Variants in ASB1 observed in about 807,000 individuals in gnomAD.
ASB1 encodes ankyrin repeat and SOCS box protein 1.
In ASB1, 18 loss-of-function variants were observed where a neutral mutation model predicts 27.7. The ratio of observed to expected loss-of-function variants is 0.65; its 90% CI spans 0.45 to 0.96. ASB1 has a LOEUF of 0.96. ASB1 is among the 50% of genes least tolerant of loss of function. The probability of loss-of-function intolerance (pLI) is 0.00; values close to 1 mark genes in which losing one functional copy is unlikely to be tolerated. For synonymous variants in ASB1, 189 were observed against 187.6 expected (o/e 1.01, Z -0.06); for missense variants, 397 against 451.7 (o/e 0.88, Z 1.10).
intron 1 of ASB1, among the ~76,000 whole-genome samples, chr2:238,431,071 C>A (rs508486): frequency 0.56 from 85,694 of 151,876 alleles, 26,304 homozygotes; most frequent in Non-Finnish European, 0.69. Context: ...CTAGGCATTG[C>A]CTTCTCCTCT....
At chr2:238,440,548 A>G (rs556821857) in intron 3 of ASB1, among the ~76,000 whole-genome samples, 76 of 152,074 alleles carry the variant, frequency 5.0e-4, no homozygotes, top group Non-Finnish European at 8.1e-4. Context: ...CTCTTCCCAT[A>G]CATGGCTCCT....
rs1425051702 is a variant in ASB1 at position 238,451,950 on chromosome 2, C to T, written c.*5439C>T. 6.6e-6 allele frequency: 1 copy of T among 152,202 alleles called. No homozygotes were observed. Among genetic ancestry groups the T allele is most frequent in the Non-Finnish European group, 1.5e-5 (1 of 68,040 alleles). 9.4% of individuals were successfully genotyped at this position (152,202 alleles called of 1,614,324 possible). A position where few individuals can be genotyped will look rare whatever the true frequency, so the allele number is the denominator to read the frequency against. On this transcript the variant is annotated 3_prime_UTR_variant, in exon 5 of 5. Transcript: ENST00000264607. ...GAACTTGGGGCTCCAGGGACGTACC[C>T]CAAATGTTGCCCAGGTTGAAACTCC...
Position 238,444,634 on chromosome 2 carries a change from C to G in ASB1, c.787C>G (p.Leu263Val). The part of the protein sequence containing the change: ...VSLLVEFGAN[L>V]NLVKWESLGP... Reference sequence around the variant, plus strand: ...CCTGCTGGTAGAATTTGGAGCCAACCTGAATCTAGTGAAGTGGGAATCGCT... The same window carrying G: ...CCTGCTGGTAGAATTTGGAGCCAACGTGAATCTAGTGAAGTGGGAATCGCT... The change falls in exon 4 of 5, where the codon CTG becomes GTG. Residue 263 changes from leucine (L) to valine (V), a missense_variant. Transcript: ENST00000264607. 1 of 1,614,150 alleles carries G rather than the reference C, an allele frequency of 6.2e-7. No individual in the cohort carries two copies. Among genetic ancestry groups the G allele is most frequent in the Non-Finnish European group, 8.5e-7 (1 of 1,180,036 alleles).
chr2:238,438,401 C>T (rs1291788489), intron 3 of ASB1, among the ~76,000 whole-genome samples: 2 of 151,946 alleles, frequency 1.3e-5, no homozygotes, highest in African/African-American at 2.4e-5. Context: ...AGGGTTTCAC[C>T]ATGTTAGCCA....
chr2:238,434,270 G>C (rs539075671), intron 2 of ASB1, among the ~76,000 whole-genome samples: 1 of 152,220 alleles, frequency 6.6e-6, no homozygotes, highest in South Asian at 2.1e-4. Flanking sequence ...CCCTTCCTTC[G>C]CAGCAAGTGA....
rs1701962474 is a variant in ASB1 at position 238,435,966 on chromosome 2, C to T, written c.447C>T (p.Tyr149=). ...GGCACCATCGCAGCACCCCTGTCTA[C>T]CACGCCTCTCGCGTGGGCCGGGCAG... is the stretch of plus-strand genomic sequence containing the variant. The part of the protein sequence containing the change: ...GSRHHRSTPV[Y]HASRVGRADI... The change falls in exon 3 of 5, where the codon TAC becomes TAT. Residue 149 remains tyrosine (Y), a synonymous_variant. Transcript: ENST00000264607. 1.2e-6 allele frequency: 2 copies of T among 1,613,910 alleles called. No homozygotes were observed. Among genetic ancestry groups the T allele is most frequent in the Admixed American group, 3.3e-5 (2 of 60,014 alleles).
At chr2:238,435,552 C>T (rs532895346) in intron 2 of ASB1, among the ~76,000 whole-genome samples, 159 bp from the exon 3 acceptor site, 1 of 152,294 alleles carries the variant, frequency 6.6e-6, no homozygotes, top group East Asian at 1.9e-4. Context: ...CCCGGTCCCG[C>T]AGGGGAAAGG....
At chr2:238,436,135 T>A in intron 3 of ASB1, 122 bp downstream of exon 3, 1 of 919,968 alleles carries the variant, frequency 1.1e-6, no homozygotes, top group Non-Finnish European at 1.6e-6. Flanking sequence ...CTGGCCTTTG[T>A]AAAGAGCTGC....
Position 238,435,774 on chromosome 2 carries a change from G to A in ASB1, c.255G>A (p.Ala85=), listed in dbSNP as rs144907991. The change falls in exon 3 of 5, where the codon GCG becomes GCA. Residue 85 remains alanine (A), a synonymous_variant. Transcript: ENST00000264607. ...TCCCCTGCACACCGTTGCGAATCGC[G>A]GCCACTGCAGGCCATGGGAGCTGTG... ...GWLPCTPLRI[A]ATAGHGSCVD... 58 of 1,613,988 alleles carry A rather than the reference G, an allele frequency of 3.6e-5. No individual in the cohort carries two copies. Among genetic ancestry groups the A allele is most frequent in the African/African-American group, 1.7e-4 (13 of 74,920 alleles).
intron 4 of ASB1, 82 bp downstream of exon 4, chr2:238,444,809 A>T: frequency 6.9e-7 from 1 of 1,449,870 alleles, no homozygotes; most frequent in South Asian, 1.5e-5. Context: ...AAAAACAAAA[A>T]CCTCCACCTG....
At chr2:238,437,316 C>T (rs1208111755) in intron 3 of ASB1, among the ~76,000 whole-genome samples, 1 of 152,138 alleles carries the variant, frequency 6.6e-6, no homozygotes, top group Non-Finnish European at 1.5e-5. Flanking sequence ...ACTGCAACCT[C>T]CGCCTCCTGG....
intron 1 of ASB1, among the ~76,000 whole-genome samples, chr2:238,431,099 A>C (rs1229780351): frequency 6.6e-6 from 1 of 152,276 alleles, no homozygotes; most frequent in African/African-American, 2.4e-5. Context: ...TGAAAGTCCT[A>C]GATGGCATCT....
chr2:238,438,951 C>G (rs1254068907), intron 3 of ASB1, among the ~76,000 whole-genome samples: 1 of 152,170 alleles, frequency 6.6e-6, no homozygotes, highest in African/African-American at 2.4e-5. Context: ...GGAAAATATT[C>G]AGGATTAAAA....
At chr2:238,428,538 C>T in intron 1 of ASB1, among the ~76,000 whole-genome samples, 1 of 152,218 alleles carries the variant, frequency 6.6e-6, no homozygotes, top group East Asian at 1.9e-4. Flanking sequence ...CTCAGGTGAT[C>T]TGCCCGCCTC....
chr2:238,444,313 C>G, intron 3 of ASB1, 29 bp from the exon 4 acceptor site: 2 of 1,578,882 alleles, frequency 1.3e-6, no homozygotes, highest in Non-Finnish European at 1.7e-6. Context: ...GTCCCCTGCA[C>G]AGTCTGACTT....
In ASB1 at chr2:238,443,413, C is replaced by A. The variant is rs1575007654; in HGVS notation, c.495-929C>A. Among the ~76,000 whole-genome samples the A allele has an allele frequency of 2.0e-5, 3 of 152,172 alleles. No individual in the cohort carries two copies. In the South Asian group the frequency reaches 6.2e-4, roughly 32 times the overall value. On this transcript the variant is annotated intron_variant, in intron 3 of 4. Transcript: ENST00000264607. ...CTCTCATTGCTTGTTAGTTGTTTTC[C>A]CATATTATTTAGGGCTTTTCAGACA...
intron 3 of ASB1, among the ~76,000 whole-genome samples, chr2:238,442,356 CCTG>C (rs1702094061): frequency 6.6e-6 from 1 of 152,120 alleles, no homozygotes; most frequent in East Asian, 1.9e-4. Context: ...AGATGATCCA[CCTG>C]CCTTGGCCTC....
intron 1 of ASB1, among the ~76,000 whole-genome samples, chr2:238,429,932 C>T (rs532704939): frequency 6.3e-5 from 6 of 94,846 alleles, no homozygotes; most frequent in South Asian, 3.5e-4. Flanking sequence ...AGTGAGACTC[C>T]GTCTCAAAAA....
intron 1 of ASB1, among the ~76,000 whole-genome samples, chr2:238,431,250 T>C (rs998854488): frequency 9.9e-5 from 15 of 152,180 alleles, no homozygotes; most frequent in Non-Finnish European, 2.1e-4. Flanking sequence ...CTTTGTACTT[T>C]TGTGTGATGG....
Sources: allele counts gnomAD v4.1 joint callset (sites outside exome capture counted in the v4.1 genomes callset), GRCh38; gene constraint gnomAD v4.1.1; transcripts MANE v1.5; gene names NCBI Gene and HGNC (gene_info 2026-07-23, HGNC 2026-07-21).